Variants in MAF observed in about 807,000 individuals in gnomAD.
MAF encodes transcription factor Maf.
A neutral mutation model predicts 22.0 loss-of-function variants in MAF; 10 were observed. The observed-to-expected ratio is 0.45, with a 90% CI of 0.28 to 0.77. The LOEUF (loss-of-function observed/expected upper bound fraction) is 0.77. Among genes scored for constraint, MAF ranks in the 30% least tolerant of loss-of-function variants. The pLI, the probability that MAF is intolerant of heterozygous loss-of-function variation, is 0.12. For synonymous variants in MAF, 337 were observed against 255.8 expected (o/e 1.32, Z -3.03); for missense variants, 544 against 548.4 (o/e 0.99, Z 0.08).
chr16:79,490,964 C>G, the MAF span, among the ~76,000 whole-genome samples: 2 of 151,904 alleles, frequency 1.3e-5, no homozygotes, highest in African/African-American at 4.8e-5. Context: ...AGTGTGATAA[C>G]CAAGGGAACC....
chr16:79,407,952 C>T, the MAF span, among the ~76,000 whole-genome samples: 1 of 151,778 alleles, frequency 6.6e-6, no homozygotes, highest in Non-Finnish European at 1.5e-5. Context: ...GAATGAGTAT[C>T]AAGGATCCTA....
chr16:79,457,157 A>G, the MAF span, among the ~76,000 whole-genome samples: 1 of 152,164 alleles, frequency 6.6e-6, no homozygotes, highest in East Asian at 1.9e-4. Context: ...TCTCTCCAAG[A>G]AAAAAATGTC....
chr16:79,496,378 G>C, the MAF span, among the ~76,000 whole-genome samples: 32 of 152,240 alleles, frequency 2.1e-4, no homozygotes, highest in African/African-American at 6.5e-4. Context: ...AGTAGGGTGA[G>C]GTTTTCTGGC....
the MAF span, among the ~76,000 whole-genome samples, chr16:79,397,440 C>A: frequency 6.6e-6 from 1 of 152,162 alleles, no homozygotes; most frequent in Non-Finnish European, 1.5e-5. Context: ...ATTTCTACTG[C>A]TCATATTTTT....
the MAF span, among the ~76,000 whole-genome samples, chr16:79,481,255 T>C: frequency 6.6e-6 from 1 of 151,960 alleles, no homozygotes; most frequent in South Asian, 2.1e-4. Flanking sequence ...TTAACACTGT[T>C]ATTGAGATAC....
At chr16:79,207,269 T>C in the MAF span, among the ~76,000 whole-genome samples, 1 of 152,250 alleles carries the variant, frequency 6.6e-6, no homozygotes, top group Admixed American at 6.5e-5. Context: ...GAGAAGTATT[T>C]GCTTTGTCCA....
the MAF span, among the ~76,000 whole-genome samples, chr16:79,395,166 C>T: frequency 3.3e-5 from 5 of 152,226 alleles, no homozygotes; most frequent in South Asian, 2.1e-4. Context: ...CACTGGGACA[C>T]GTGTTTTGCG....
chr16:79,576,896 G>A, the MAF span, among the ~76,000 whole-genome samples: 1 of 152,082 alleles, frequency 6.6e-6, no homozygotes, highest in Non-Finnish European at 1.5e-5. Flanking sequence ...CCTTTTTAGT[G>A]TTACTACAGA....
chr16:79,599,255 C>T lies in MAF; in HGVS notation c.648G>A (p.Ala216=), dbSNP rs1913821943. ...AAASAGGAGG[A]GGGGPASAGG... ...CAGCGCTGGCCGGGCCACCGCCGCC[C>T]GCGCCCCCAGCGCCACCGGCCGAGG... is the stretch of plus-strand genomic sequence containing the variant. Residue 216 remains alanine (A), a synonymous_variant, in exon 1 of 2, where the codon GCG becomes GCA. Transcript: ENST00000326043. 11 of 978,238 alleles carry T rather than the reference C, an allele frequency of 1.1e-5. No homozygotes were observed. Among genetic ancestry groups the T allele is most frequent in the Non-Finnish European group, 1.3e-5 (11 of 827,242 alleles). The allele number at this position is 978,238 out of a possible 1,614,324, so 60.6% of individuals were successfully genotyped here.
At chr16:79,497,467 G>A in the MAF span, among the ~76,000 whole-genome samples, 1 of 152,192 alleles carries the variant, frequency 6.6e-6, no homozygotes, top group Non-Finnish European at 1.5e-5. Context: ...TGTGCTGGCT[G>A]TGCACTGCCC....
At chr16:79,467,170 C>G in the MAF span, among the ~76,000 whole-genome samples, 1 of 152,160 alleles carries the variant, frequency 6.6e-6, no homozygotes, top group Admixed American at 6.5e-5. Context: ...CTCCCAAATT[C>G]ATCATTCCCT....
chr16:79,317,774 C>G, the MAF span, among the ~76,000 whole-genome samples: 3 of 152,200 alleles, frequency 2.0e-5, no homozygotes, highest in Non-Finnish European at 1.5e-5. Flanking sequence ...CCACCTGATG[C>G]TAGCCCACTG....
the MAF span, among the ~76,000 whole-genome samples, chr16:79,247,606 G>A: frequency 6.6e-6 from 1 of 152,108 alleles, no homozygotes; most frequent in Non-Finnish European, 1.5e-5. Flanking sequence ...CCTCTTCCCC[G>A]CTGGAAGTAA....
the MAF span, among the ~76,000 whole-genome samples, chr16:79,348,464 T>C: frequency 6.6e-6 from 1 of 152,202 alleles, no homozygotes; most frequent in Non-Finnish European, 1.5e-5. Context: ...CAGTGTCCCT[T>C]CTGGGACACG....
At chr16:79,298,974 A>AGGG in the MAF span, among the ~76,000 whole-genome samples, 7 of 152,380 alleles carry the variant, frequency 4.6e-5, no homozygotes, top group South Asian at 1.4e-3. Flanking sequence ...TGGCCCACCA[A>AGGG]TGCTTGCTCC....
the MAF span, among the ~76,000 whole-genome samples, chr16:79,220,914 G>A: frequency 2.3e-3 from 344 of 152,262 alleles, 2 homozygotes; most frequent in African/African-American, 8.0e-3. Context: ...TAACCTTACC[G>A]GGAGATGCCA....
At chr16:79,485,698 T>A in the MAF span, among the ~76,000 whole-genome samples, 1 of 152,220 alleles carries the variant, frequency 6.6e-6, no homozygotes, top group Non-Finnish European at 1.5e-5. Context: ...ACACTTGCAA[T>A]GTGTCTTCTC....
the MAF span, among the ~76,000 whole-genome samples, chr16:79,209,232 G>C: frequency 6.6e-6 from 1 of 152,214 alleles, no homozygotes; most frequent in Non-Finnish European, 1.5e-5. Context: ...TTTAGATTCC[G>C]TGGAAGGAAA....
chr16:79,268,627 T>G, the MAF span, among the ~76,000 whole-genome samples: 3 of 152,184 alleles, frequency 2.0e-5, no homozygotes, highest in Non-Finnish European at 2.9e-5. Context: ...CAATGGCATT[T>G]CTCAGCTAAA....
Sources: gnomAD v4.1 joint callset for allele counts (sites outside exome capture counted in the v4.1 genomes callset) on GRCh38, gnomAD v4.1.1 for gene constraint, MANE v1.5 for transcripts, NCBI Gene and HGNC (gene_info 2026-07-23, HGNC 2026-07-21) for gene names.